The following ERC2 variants were observed in gnomAD, a reference collection of about 807,000 sequenced individuals.
ERC2 encodes the protein ERC protein 2.
A neutral mutation model predicts 114.8 loss-of-function variants in ERC2; 42 were observed. The ratio of observed to expected loss-of-function variants is 0.37; its 90% CI spans 0.29 to 0.47. ERC2 has a LOEUF of 0.47. Ranked by LOEUF, ERC2 falls within the 20% of genes least tolerant of loss-of-function variation. ERC2 has a pLI of 0.99. For missense variants in ERC2, 939 were observed against 1,150.7 expected, an observed-to-expected ratio of 0.82 and a Z score of 2.66; for synonymous variants, 454 against 425.5, an observed-to-expected ratio of 1.07 and a Z score of -0.82.
At chr3:55,652,751 G>A (rs1028579034) in intron 17 of ERC2, among the ~76,000 whole-genome samples, 1 of 149,502 alleles carries the variant, frequency 6.7e-6, no homozygotes, top group Admixed American at 6.8e-5. Context: ...GCAGGTGCCT[G>A]TAATCTCCTG....
chr3:55,904,939 CT>C (rs1302665482), intron 13 of ERC2, among the ~76,000 whole-genome samples: 1 of 152,216 alleles, frequency 6.6e-6, no homozygotes, highest in Non-Finnish European at 1.5e-5. Flanking sequence ...CAGAGCTGAC[CT>C]TTTAAAAGCC....
intron 14 of ERC2, among the ~76,000 whole-genome samples, chr3:55,785,954 A>G (rs2069453066): frequency 6.6e-6 from 1 of 152,220 alleles, no homozygotes; most frequent in Non-Finnish European, 1.5e-5. Flanking sequence ...TATTGAACAA[A>G]GACTTAGATC....
intron 7 of ERC2, among the ~76,000 whole-genome samples, chr3:56,049,121 G>A (rs2075630620): frequency 6.6e-6 from 1 of 152,190 alleles, no homozygotes; most frequent in South Asian, 2.1e-4. Flanking sequence ...GTTGGAGAAT[G>A]CTAAGGACCT....
intron 4 of ERC2, among the ~76,000 whole-genome samples, chr3:56,157,280 C>T (rs535949077): frequency 1.6e-4 from 24 of 152,136 alleles, no homozygotes; most frequent in African/African-American, 5.8e-4. Flanking sequence ...TAAAGATCAC[C>T]GAGCAAGGTC....
At chr3:55,793,055 T>C (rs765223605) in intron 14 of ERC2, among the ~76,000 whole-genome samples, 8 of 152,114 alleles carry the variant, frequency 5.3e-5, no homozygotes, top group Non-Finnish European at 1.2e-4. Context: ...GTGGATGCAA[T>C]TTATTTACTT....
intron 2 of ERC2, among the ~76,000 whole-genome samples, chr3:56,410,485 T>C (rs2060900638): frequency 6.6e-6 from 1 of 152,248 alleles, no homozygotes; most frequent in African/African-American, 2.4e-5. Flanking sequence ...GCTTATAGTA[T>C]GTCATTTAAA....
At position 55,928,992 on chromosome 3, in the gene ERC2, T is replaced by C. The variant is rs116179446; in HGVS notation, c.2403+21433A>G. On this transcript the variant is annotated intron_variant, in intron 13 of 17. Transcript: ENST00000288221. Reference sequence around the variant, plus strand: ...TGTATCTCTTTTTATGCCAGAACCATACTGTTTTGGTTACTATCCACCATT... The same window carrying C: ...TGTATCTCTTTTTATGCCAGAACCACACTGTTTTGGTTACTATCCACCATT... Among the ~76,000 whole-genome samples the C allele has an allele frequency of 6.4e-3, 971 of 152,250 alleles. 15 individuals carry two copies. Among genetic ancestry groups the C allele is most frequent in the African/African-American group, 0.022 (931 of 41,536 alleles).
chr3:56,009,511 G>A (rs1056519603), intron 9 of ERC2, among the ~76,000 whole-genome samples: 1 of 152,098 alleles, frequency 6.6e-6, no homozygotes, highest in Non-Finnish European at 1.5e-5. Context: ...AGTACCACAC[G>A]AGTGAGGAAA....
intron 17 of ERC2, among the ~76,000 whole-genome samples, chr3:55,673,804 GTTT>G (rs10575865): frequency 8.1e-4 from 92 of 113,766 alleles, no homozygotes; most frequent in Middle Eastern, 4.6e-3. Flanking sequence ...TAATTACCAA[GTTT>G]TTTTTTTTTT....
intron 2 of ERC2, among the ~76,000 whole-genome samples, chr3:56,300,893 G>A (rs1438493673): frequency 6.6e-6 from 1 of 152,190 alleles, no homozygotes; most frequent in Non-Finnish European, 1.5e-5. Flanking sequence ...ATGGGGAGGG[G>A]AGAAGTAGTA....
chr3:55,789,008 A>G (rs966223076), intron 14 of ERC2, among the ~76,000 whole-genome samples: 4 of 152,174 alleles, frequency 2.6e-5, no homozygotes, highest in African/African-American at 9.7e-5. Context: ...AGTTTTTCCA[A>G]TTCAGACTTT....
rs764407607 is a variant in ERC2, at chr3:56,139,503, C to G, written c.1473+6G>C. 1.3e-5 allele frequency: 21 copies of G among 1,609,556 alleles called. No homozygotes were observed. The South Asian group carries it at 2.2e-4, about 17-fold the overall frequency. On this transcript the variant is annotated splice_donor_region_variant and intron_variant, in intron 6 of 17. Transcript: ENST00000288221. ...TGCTGTCTAGAATCCTGAGAGAGTG[C>G]CTTACCTCAGTCTGAAGGATGGCAG...
intron 13 of ERC2, among the ~76,000 whole-genome samples, chr3:55,910,356 C>A (rs773171366): frequency 6.6e-6 from 1 of 151,988 alleles, no homozygotes; most frequent in Non-Finnish European, 1.5e-5. Flanking sequence ...CACACCACTG[C>A]ATTCCAGCCC....
intron 17 of ERC2, among the ~76,000 whole-genome samples, chr3:55,544,735 CA>C (rs2054624949): frequency 6.6e-6 from 1 of 152,100 alleles, no homozygotes; most frequent in Non-Finnish European, 1.5e-5. Flanking sequence ...GGAGGAGGGA[CA>C]AAATACAACA....
chr3:56,318,434 C>T (rs939029003), intron 2 of ERC2, among the ~76,000 whole-genome samples: 23 of 152,244 alleles, frequency 1.5e-4, no homozygotes, highest in Admixed American at 3.3e-4. Context: ...ACCTTGTCCT[C>T]CCAAAGTGCT....
chr3:55,949,315 A>C (rs1044128272), intron 13 of ERC2, among the ~76,000 whole-genome samples: 10 of 151,884 alleles, frequency 6.6e-5, no homozygotes, highest in Non-Finnish European at 1.0e-4. Flanking sequence ...GCTTGCAGTG[A>C]CCCAAGATCG....
intron 13 of ERC2, among the ~76,000 whole-genome samples, chr3:55,892,829 C>T (rs1028197998): frequency 5.3e-5 from 8 of 152,048 alleles, no homozygotes; most frequent in Non-Finnish European, 1.2e-4. Flanking sequence ...ATGAGCAGTG[C>T]TCTATCCACT....
At chr3:55,866,743 T>C (rs2062336420) in intron 14 of ERC2, among the ~76,000 whole-genome samples, 1 of 152,198 alleles carries the variant, frequency 6.6e-6, no homozygotes, top group Non-Finnish European at 1.5e-5. Context: ...TCTTCCTTAA[T>C]GGCAACAATA....
intron 14 of ERC2, among the ~76,000 whole-genome samples, chr3:55,840,775 T>C (rs1026632379): frequency 6.6e-6 from 1 of 152,154 alleles, no homozygotes; most frequent in African/African-American, 2.4e-5. Context: ...CCAAACCTAC[T>C]GGCATACTAG....
Sources: gnomAD v4.1 joint callset for allele counts (sites outside exome capture counted in the v4.1 genomes callset) on GRCh38, gnomAD v4.1.1 for gene constraint, MANE v1.5 for transcripts, NCBI Gene and HGNC (gene_info 2026-07-23, HGNC 2026-07-21) for gene names.